GPM6B: variants seen among roughly 807,000 people sequenced by gnomAD.
GPM6B encodes neuronal membrane glycoprotein M6-b.
A neutral mutation model predicts 27.2 loss-of-function variants in GPM6B; 4 were observed. That is an observed-to-expected ratio of 0.15 (90% CI 0.07 to 0.34). GPM6B has a LOEUF of 0.34. Ranked by LOEUF, GPM6B falls within the 10% of genes least tolerant of loss-of-function variation. GPM6B has a pLI of 1.00. For missense variants in GPM6B, 183 were observed against 261.9 expected, an observed-to-expected ratio of 0.70 and a Z score of 2.08; for synonymous variants, 124 against 103.1, an observed-to-expected ratio of 1.20 and a Z score of -1.23.
chrX:13,911,212 A>C (rs2050376250), intron 1 of GPM6B, among the ~76,000 whole-genome samples: 1 of 112,290 alleles, frequency 8.9e-6, no homozygotes, highest in East Asian at 2.8e-4. Flanking sequence ...TTGCAATATA[A>C]ATATACAAAA....
At chrX:13,823,774 C>T (rs1006858084) in intron 1 of GPM6B, among the ~76,000 whole-genome samples, 2 of 112,035 alleles carry the variant, frequency 1.8e-5, no homozygotes, top group Admixed American at 9.4e-5. Context: ...CCTGCCTCAG[C>T]CTCCCAAAGT....
chrX:13,881,512 CAAAA>C lies in GPM6B; in HGVS notation c.-198+56811_-198+56814del, dbSNP rs955105493. Reference sequence around the variant, plus strand: ...GGGTGACAGAGCAAGACCCTGTCACCAAAAAAAAAAAGAATGAGATATAAGAGCA... The same window carrying C: ...GGGTGACAGAGCAAGACCCTGTCACCAAAAAAAGAATGAGATATAAGAGCA... On this transcript the variant is annotated intron_variant, in intron 1 of 6. Transcript: ENST00000398361. Among the ~76,000 whole-genome samples the C allele has an allele frequency of 2.7e-3, 219 of 79,930 alleles. 1 individual carries two copies. Among genetic ancestry groups the C allele is most frequent in the Middle Eastern group, 6.0e-3 (1 of 166 alleles). The allele number at this position is 79,930 out of a possible 115,157, so 69.4% of individuals were successfully genotyped here.
rs1310224254 is a variant in GPM6B, at chrX:13,772,157, G to C, written c.*724C>G. 1 of 112,471 alleles carries C rather than the reference G, an allele frequency of 8.9e-6. No individual in the cohort carries two copies. The highest frequency in any genetic ancestry group is 1.9e-5 in the Non-Finnish European group (1 of 53,181). 9.3% of individuals were successfully genotyped at this position (112,471 alleles called of 1,213,427 possible). A position where few individuals can be genotyped will look rare whatever the true frequency, so the allele number is the denominator to read the frequency against. The stretch of plus-strand genomic sequence containing the variant: ...CATTTCTCAAGAATAATGAAAATTG[G>C]ATCAGTATTTTGTTAAAATGAAATC... On this transcript the variant is annotated 3_prime_UTR_variant, in exon 8 of 8. Transcript: ENST00000316715.
At chrX:13,935,626 TA>T (rs113267334) in intron 1 of GPM6B, among the ~76,000 whole-genome samples, 2,304 of 112,592 alleles carry the variant, frequency 0.02, 52 homozygotes, top group African/African-American at 0.07. Context: ...ACAAATGCCT[TA>T]TAAGAGGTTA....
At chrX:13,854,150 G>C (rs1306248986) in intron 1 of GPM6B, among the ~76,000 whole-genome samples, 1 of 111,704 alleles carries the variant, frequency 9.0e-6, no homozygotes, top group East Asian at 2.8e-4. Context: ...TGTTTGGTCG[G>C]CTGCTTGTCT....
rs142426765 is a variant in GPM6B, at chrX:13,876,279, C to A, written c.-198+62048G>T. ...CACAGTTTAAGATTACAGATTAGGT[C>A]CTACACTACTTCCAGATCACCAATA... On this transcript the variant is annotated intron_variant, in intron 1 of 6. Transcript: ENST00000398361. Among the ~76,000 whole-genome samples, 112 of 111,881 alleles carry A rather than the reference C, an allele frequency of 1.0e-3. 1 individual carries two copies. Among genetic ancestry groups the A allele is most frequent in the African/African-American group, 3.5e-3 (108 of 30,807 alleles).
chrX:13,833,513 G>A (rs1038679480), intron 1 of GPM6B, among the ~76,000 whole-genome samples: 4 of 96,340 alleles, frequency 4.2e-5, no homozygotes, highest in African/African-American at 8.0e-5. Context: ...CCAGGAGTTC[G>A]AGCCCAGCCT....
intron 2 of GPM6B, among the ~76,000 whole-genome samples, chrX:13,799,770 C>G (rs1408259279): frequency 1.8e-5 from 2 of 111,369 alleles, no homozygotes; most frequent in Non-Finnish European, 3.8e-5. Context: ...CGTCAAACAC[C>G]TGCCAGGTAC....
intron 2 of GPM6B, among the ~76,000 whole-genome samples, chrX:13,805,817 CTGA>C (rs2049011040): frequency 9.0e-6 from 1 of 111,219 alleles, no homozygotes; most frequent in South Asian, 3.8e-4. Context: ...TCCAGCTGGC[CTGA>C]TGTCATTCAA....
chrX:13,816,458 C>G (rs985691484), intron 1 of GPM6B, among the ~76,000 whole-genome samples: 2 of 111,500 alleles, frequency 1.8e-5, no homozygotes, highest in African/African-American at 6.5e-5. Flanking sequence ...CATGCATGCC[C>G]CTCCAGTTCC....
chrX:13,807,434 GAAGA>G (rs929785072), intron 2 of GPM6B, among the ~76,000 whole-genome samples: 32 of 112,371 alleles, frequency 2.8e-4, no homozygotes, highest in African/African-American at 1.0e-3. Flanking sequence ...GGAAGAAGGA[GAAGA>G]AAGTGGAGAA....
intron 1 of GPM6B, among the ~76,000 whole-genome samples, chrX:13,865,562 AGAAAG>A (rs1428942795): frequency 1.2e-4 from 7 of 59,215 alleles, no homozygotes; most frequent in African/African-American, 3.6e-4. Context: ...AAAAAAAAAA[AGAAAG>A]AAAGAAAGAA....
At chrX:13,860,669 G>A (rs1430418590) in intron 1 of GPM6B, among the ~76,000 whole-genome samples, 1 of 109,837 alleles carries the variant, frequency 9.1e-6, no homozygotes, top group Non-Finnish European at 1.9e-5. Context: ...TGGGGAACAG[G>A]TAGTGTTTGG....
intron 1 of GPM6B, among the ~76,000 whole-genome samples, chrX:13,826,679 A>G (rs1217918282): frequency 2.7e-5 from 3 of 111,008 alleles, no homozygotes; most frequent in African/African-American, 9.9e-5. Context: ...TGGAGGCTGC[A>G]GTGAGCTATG....
chrX:13,816,752 C>A, intron 1 of GPM6B, 92 bp downstream of exon 1: 2 of 1,033,796 alleles, frequency 1.9e-6, no homozygotes, highest in South Asian at 3.8e-5. Flanking sequence ...TGTCTCAGAG[C>A]CATTTTAAAA....
At chrX:13,853,802 A>G (rs1304121689) in intron 1 of GPM6B, among the ~76,000 whole-genome samples, 2 of 110,678 alleles carry the variant, frequency 1.8e-5, no homozygotes, top group African/African-American at 6.6e-5. Context: ...CTGCCTAAAC[A>G]TATTGAAATT....
At chrX:13,934,441 G>A (rs1921729100) in intron 1 of GPM6B, among the ~76,000 whole-genome samples, 1 of 112,028 alleles carries the variant, frequency 8.9e-6, no homozygotes, top group Admixed American at 9.5e-5. Flanking sequence ...GCCTCTGAGG[G>A]TGGCTTGAGC....
rs145125048 is a variant in GPM6B, at chrX:13,840,692, C to T, written c.-197-54884G>A. 7.0e-3 allele frequency among the ~76,000 whole-genome samples: 773 copies of T among 111,101 alleles called. 16 individuals are homozygous for T. Among genetic ancestry groups the T allele is most frequent in the African/African-American group, 0.024 (734 of 30,470 alleles). ...AAAAGGCTCCTCTCTCTCCTCTCCC[C>T]GGACATTACCCTTTATAATAGATTC... is the stretch of plus-strand genomic sequence containing the variant. On this transcript the variant is annotated intron_variant, in intron 1 of 6. Transcript: ENST00000398361.
intron 1 of GPM6B, among the ~76,000 whole-genome samples, chrX:13,919,691 T>C (rs1247835924): frequency 2.7e-5 from 3 of 112,338 alleles, no homozygotes; most frequent in Non-Finnish European, 5.6e-5. Flanking sequence ...TTATGAAATA[T>C]AAATTAAATG....
Sources: gnomAD v4.1 joint callset for allele counts (sites outside exome capture counted in the v4.1 genomes callset) on GRCh38, gnomAD v4.1.1 for gene constraint, MANE v1.5 for transcripts, NCBI Gene and HGNC (gene_info 2026-07-23, HGNC 2026-07-21) for gene names.